ATP2C1: variants seen among roughly 807,000 people sequenced by gnomAD.
The protein encoded by ATP2C1 is calcium-transporting ATPase type 2C member 1.
ATP2C1 carries 31 observed loss-of-function variants against 120.5 expected under a neutral mutation model. The observed-to-expected ratio is 0.26, with a 90% CI of 0.19 to 0.35. The LOEUF (loss-of-function observed/expected upper bound fraction) is 0.35. ATP2C1 is among the 10% of genes least tolerant of loss of function. The pLI, the probability that ATP2C1 is intolerant of heterozygous loss-of-function variation, is 1.00. For missense variants in ATP2C1, 731 were observed against 1,107.5 expected, an observed-to-expected ratio of 0.66 and a Z score of 4.83; for synonymous variants, 351 against 358.7, an observed-to-expected ratio of 0.98 and a Z score of 0.24.
Position 130,967,356 on chromosome 3 carries a change from A to T in ATP2C1, c.1245A>T (p.Val415=). ...VEAGCVCNDA[V]IRNNTLMGKP... ...CGGGCTGTGTGTGCAATGATGCTGTAATTAGAAACAATACTCTAATGGGGA... is the reference window on the plus strand; with the variant it reads ...CGGGCTGTGTGTGCAATGATGCTGTTATTAGAAACAATACTCTAATGGGGA... Residue 415 remains valine (V), a synonymous_variant, in exon 16 of 28, where the codon GTA becomes GTT. Transcript: ENST00000510168. 1 of 1,613,748 alleles carries T rather than the reference A, an allele frequency of 6.2e-7. No homozygotes were observed. Among genetic ancestry groups the T allele is most frequent in the Non-Finnish European group, 8.5e-7 (1 of 1,179,750 alleles).
At chr3:130,881,636 A>T (rs1330889386) in intron 1 of ATP2C1, among the ~76,000 whole-genome samples, 1 of 152,236 alleles carries the variant, frequency 6.6e-6, no homozygotes, top group Non-Finnish European at 1.5e-5. Flanking sequence ...CAATCAGTAG[A>T]TTGCTTTGGG....
chr3:131,011,892 A>G (rs1171636701), intron 26 of ATP2C1, among the ~76,000 whole-genome samples: 6 of 152,096 alleles, frequency 3.9e-5, no homozygotes, highest in Non-Finnish European at 8.8e-5. Flanking sequence ...CACCTTACAT[A>G]CTCCTGTGAA....
chr3:130,907,512 T>A (rs1234981117), intron 2 of ATP2C1, among the ~76,000 whole-genome samples: 1 of 152,080 alleles, frequency 6.6e-6, no homozygotes, highest in African/African-American at 2.4e-5. Flanking sequence ...CCAATACTGT[T>A]TGTTAAAAAG....
intron 6 of ATP2C1, among the ~76,000 whole-genome samples, chr3:130,940,295 A>G (rs575638076): frequency 6.6e-6 from 1 of 152,372 alleles, no homozygotes; most frequent in South Asian, 2.1e-4. Context: ...ACATAAGATT[A>G]TCTAAATTTT....
At chr3:130,930,140 T>C in intron 2 of ATP2C1, 1 of 422,550 alleles carries the variant, frequency 2.4e-6, no homozygotes, top group Non-Finnish European at 4.4e-6. Context: ...TTTTTACTCT[T>C]ATGTTGGTGG....
At chr3:130,898,816 C>G (rs1341218926) in intron 2 of ATP2C1, among the ~76,000 whole-genome samples, 1 of 152,162 alleles carries the variant, frequency 6.6e-6, no homozygotes. Flanking sequence ...TAGCCATGAT[C>G]TGTTTTGCAA....
intron 2 of ATP2C1, chr3:130,918,165 G>GCCTA (rs2108216407): frequency 1.0e-6 from 1 of 981,234 alleles, no homozygotes; most frequent in East Asian, 2.4e-5. Flanking sequence ...GATTATCTGT[G>GCCTA]CCTAGATTAT....
chr3:130,952,938 C>T (rs781358914), intron 8 of ATP2C1, among the ~76,000 whole-genome samples: 20 of 152,094 alleles, frequency 1.3e-4, no homozygotes, highest in Non-Finnish European at 2.8e-4. Flanking sequence ...CTTTCAGAAG[C>T]TTTGCTGTAT....
intron 20 of ATP2C1, among the ~76,000 whole-genome samples, chr3:130,987,951 G>T (rs2062102555): frequency 6.6e-6 from 1 of 152,130 alleles, no homozygotes; most frequent in Non-Finnish European, 1.5e-5. Flanking sequence ...ACTTTTTCTA[G>T]TGTGTCCTAC....
intron 2 of ATP2C1, among the ~76,000 whole-genome samples, chr3:130,917,838 T>A (rs2058753153): frequency 6.6e-6 from 1 of 152,232 alleles, no homozygotes; most frequent in Non-Finnish European, 1.5e-5. Flanking sequence ...TAACCATCAT[T>A]CCACTCTTTG....
intron 6 of ATP2C1, among the ~76,000 whole-genome samples, chr3:130,937,826 T>C (rs1361326578): frequency 1.3e-5 from 2 of 152,248 alleles, no homozygotes; most frequent in Non-Finnish European, 2.9e-5. Flanking sequence ...AACACTGTTA[T>C]GTTTTAATGC....
chr3:130,961,032 G>T (rs2060795304), intron 12 of ATP2C1, among the ~76,000 whole-genome samples: 1 of 149,966 alleles, frequency 6.7e-6, no homozygotes, highest in South Asian at 2.1e-4. Flanking sequence ...GAATCAGAAT[G>T]AATAAGAAGT....
intron 8 of ATP2C1, among the ~76,000 whole-genome samples, chr3:130,949,139 C>T (rs1403307303): frequency 6.6e-6 from 1 of 152,120 alleles, no homozygotes; most frequent in African/African-American, 2.4e-5. Context: ...AATGATTAAG[C>T]TTACTGAGGA....
At chr3:130,850,827 A>G (rs1403905786) in exon 1 of ATP2C1, 1 of 1,441,774 alleles carries the variant, frequency 6.9e-7, no homozygotes, top group Non-Finnish European at 9.2e-7. Flanking sequence ...CACTATGGAT[A>G]GTCTGTTGCC....
Position 130,953,988 on chromosome 3 carries a change from T to C in ATP2C1, c.687+12T>C. On this transcript the variant is annotated intron_variant, in intron 9 of 27. Coordinates refer to ENST00000510168, the MANE Select transcript of ATP2C1 (RefSeq NM_001378687.1). ...GTGGCAAAGCAAAGGTAAATTTTTT[T>C]CCTGATTTGAAAAAAGCAGTTCCTT... The C allele has an allele frequency of 1.2e-6, 2 of 1,613,874 alleles. No homozygotes were observed. The highest frequency in any genetic ancestry group is 1.7e-6 in the Non-Finnish European group (2 of 1,179,820).
At chr3:130,979,092 T>C (rs2061646090) in intron 18 of ATP2C1, among the ~76,000 whole-genome samples, 157 bp from the exon 19 acceptor site, 1 of 152,200 alleles carries the variant, frequency 6.6e-6, no homozygotes, top group South Asian at 2.1e-4. Context: ...TAAACTATAA[T>C]GTTTTGGTCT....
chr3:130,922,079 A>G (rs903808503), intron 2 of ATP2C1, among the ~76,000 whole-genome samples: 1 of 152,146 alleles, frequency 6.6e-6, no homozygotes, highest in Non-Finnish European at 1.5e-5. Context: ...CTGTAGATCC[A>G]TCTGGTACTG....
Position 130,959,278 on chromosome 3 carries a change from T to A in ATP2C1, c.836T>A (p.Ile279Asn). 1 of 1,605,290 alleles carries A rather than the reference T, an allele frequency of 6.2e-7. No individual in the cohort carries two copies. The change falls in exon 12 of 28, where the codon ATC becomes AAC. Residue 279 changes from isoleucine (I) to asparagine (N), a missense_variant. By Grantham distance (149) the Ile-to-Asn change is moderately radical (BLOSUM62 -3). Around this residue, in one of 3 missense-constraint regions of ATP2C1, gnomAD observed 571 missense variants for 845.9 expected, o/e 0.67. Transcript: ENST00000510168. Reference protein sequence around the residue: ...LSFYSFGIIGIIMLVGWLLGK... With the variant: ...LSFYSFGIIGNIMLVGWLLGK... ...TAACTATTTAATTATCTTTCAGGAA[T>A]CATCATGTTGGTTGGCTGGTTACTG...
chr3:131,014,405 A>G, intron 26 of ATP2C1: 1 of 1,543,670 alleles, frequency 6.5e-7, no homozygotes, highest in Non-Finnish European at 8.7e-7. Context: ...AAGCAAGAAA[A>G]AAGTATGTTG....
Sources: gnomAD v4.1 joint callset for allele counts (sites outside exome capture counted in the v4.1 genomes callset) on GRCh38, gnomAD v4.1.1 for gene constraint, gnomAD v4.1.1 regional missense constraint, MANE v1.5 for transcripts, NCBI Gene and HGNC (gene_info 2026-07-23, HGNC 2026-07-21) for gene names.